KCNMB2: variants seen among roughly 807,000 people sequenced by gnomAD.
The protein encoded by KCNMB2 is potassium calcium-activated channel subfamily M regulatory beta subunit 2.
Under a neutral mutation model 24.5 loss-of-function variants are expected in KCNMB2, and 9 were observed. That is an observed-to-expected ratio of 0.37 (90% confidence interval 0.22 to 0.64). KCNMB2 has a LOEUF of 0.64. KCNMB2 is among the 30% of genes least tolerant of loss of function. The probability of loss-of-function intolerance (pLI) is 0.63; values close to 1 mark genes in which losing one functional copy is unlikely to be tolerated. For missense variants in KCNMB2, 226 were observed against 284.3 expected (o/e 0.79, Z 1.47); for synonymous variants, 109 against 104.4 (o/e 1.04, Z -0.27).
rs560941114 is a variant in KCNMB2 at position 178,540,106 on chromosome 3, G to A, written c.-68+3395G>A. Reference sequence around the variant, plus strand: ...ATCAAAGTTCGGAATTCCACAAAATGTCCTCCTTCTATATTTTTCTCCATC... The same window carrying A: ...ATCAAAGTTCGGAATTCCACAAAATATCCTCCTTCTATATTTTTCTCCATC... On this transcript the variant is annotated intron_variant, in intron 1 of 4. Transcript: ENST00000452583. Among the ~76,000 whole-genome samples the A allele has an allele frequency of 5.3e-5, 8 of 152,194 alleles. No homozygotes were observed. The South Asian group carries it at 1.5e-3, about 28-fold the overall frequency.
At chr3:178,719,672 A>G (rs1722731043) in intron 1 of KCNMB2, among the ~76,000 whole-genome samples, 1 of 152,254 alleles carries the variant, frequency 6.6e-6, no homozygotes, top group Admixed American at 6.5e-5. Context: ...TGGAGACATA[A>G]GCAAGATTTT....
chr3:178,554,770 T>C (rs1047252829), intron 1 of KCNMB2, among the ~76,000 whole-genome samples: 2 of 152,192 alleles, frequency 1.3e-5, no homozygotes, highest in African/African-American at 2.4e-5. Context: ...CTGGAAGACA[T>C]GTTCCCTTAC....
chr3:178,831,111 GT>G (rs1385436067), intron 4 of KCNMB2, among the ~76,000 whole-genome samples: 6 of 151,580 alleles, frequency 4.0e-5, no homozygotes, highest in Non-Finnish European at 5.9e-5. Flanking sequence ...TTTCTTTTTT[GT>G]TTGTTTTTTC....
At chr3:178,767,731 AG>A (rs1712180805) in intron 1 of KCNMB2, among the ~76,000 whole-genome samples, 1 of 152,200 alleles carries the variant, frequency 6.6e-6, no homozygotes, top group Non-Finnish European at 1.5e-5. Flanking sequence ...CAGATGCCAC[AG>A]CTGTATGGCT....
intron 1 of KCNMB2, among the ~76,000 whole-genome samples, chr3:178,734,499 G>A (rs1723254096): frequency 6.6e-6 from 1 of 152,178 alleles, no homozygotes; most frequent in South Asian, 2.1e-4. Flanking sequence ...CACATAGTAG[G>A]TGCTTAGTGA....
chr3:178,793,552 C>T (rs1713413992), intron 1 of KCNMB2, among the ~76,000 whole-genome samples: 1 of 150,932 alleles, frequency 6.6e-6, no homozygotes, highest in South Asian at 2.1e-4. Flanking sequence ...GACTCAGACA[C>T]AGATGCTTCC....
intron 1 of KCNMB2, among the ~76,000 whole-genome samples, chr3:178,693,585 C>T (rs1257252482): frequency 6.6e-6 from 1 of 152,146 alleles, no homozygotes; most frequent in African/African-American, 2.4e-5. Flanking sequence ...AACCTTGCAT[C>T]CCAGAAATAA....
At chr3:178,803,270 T>C (rs561209592) in intron 1 of KCNMB2, among the ~76,000 whole-genome samples, 1 of 152,286 alleles carries the variant, frequency 6.6e-6, no homozygotes, top group African/African-American at 2.4e-5. Context: ...TCAGGCCATG[T>C]TGCCCTATCT....
At chr3:178,627,418 A>G (rs928555052) in intron 1 of KCNMB2, among the ~76,000 whole-genome samples, 6 of 152,218 alleles carry the variant, frequency 3.9e-5, no homozygotes, top group Non-Finnish European at 5.9e-5. Context: ...TGTACAGTCC[A>G]GAGCCTCATT....
At chr3:178,628,469 G>A (rs1250710345) in intron 1 of KCNMB2, among the ~76,000 whole-genome samples, 1 of 152,112 alleles carries the variant, frequency 6.6e-6, no homozygotes, top group East Asian at 1.9e-4. Context: ...TGCTGGAGAG[G>A]GTAGGCTAGC....
At chr3:178,618,940 A>G (rs1718811900) in intron 1 of KCNMB2, among the ~76,000 whole-genome samples, 1 of 152,220 alleles carries the variant, frequency 6.6e-6, no homozygotes, top group Non-Finnish European at 1.5e-5. Context: ...AATTGGGACT[A>G]GGGAATACAA....
At chr3:178,787,346 CAT>C (rs753005869) in intron 1 of KCNMB2, among the ~76,000 whole-genome samples, 183 of 152,248 alleles carry the variant, frequency 1.2e-3, no homozygotes, top group Non-Finnish European at 2.1e-3. Context: ...TATTAACTCA[CAT>C]ATATTCACGT....
chr3:178,738,636 C>T (rs1007472113), intron 1 of KCNMB2, among the ~76,000 whole-genome samples: 1 of 151,994 alleles, frequency 6.6e-6, no homozygotes, highest in Non-Finnish European at 1.5e-5. Context: ...AACTTAAAGC[C>T]CCATTTTTGA....
rs767318156 is a variant in KCNMB2 at position 178,593,218 on chromosome 3, C to A, written c.-68+56507C>A. Among the ~76,000 whole-genome samples, 3 of 151,934 alleles carry A rather than the reference C, an allele frequency of 2.0e-5. No individual in the cohort carries two copies. The East Asian group carries it at 5.8e-4, about 29-fold the overall frequency. On this transcript the variant is annotated intron_variant, in intron 1 of 4. Coordinates refer to ENST00000452583, the MANE Select transcript of KCNMB2 (RefSeq NM_181361.3). ...CATATTCAACCTGGATTAACAGAAA[C>A]TTTTAAAATATTTATGTATATATTT...
chr3:178,695,328 G>A (rs1345098606), intron 1 of KCNMB2, among the ~76,000 whole-genome samples: 1 of 152,240 alleles, frequency 6.6e-6, no homozygotes, highest in Non-Finnish European at 1.5e-5. Flanking sequence ...CTGCCATTAA[G>A]GTCTCTGACA....
intron 1 of KCNMB2, among the ~76,000 whole-genome samples, chr3:178,688,636 G>A (rs531659065): frequency 6.6e-6 from 1 of 151,994 alleles, no homozygotes; most frequent in Non-Finnish European, 1.5e-5. Flanking sequence ...CAGGAAAAAT[G>A]AAAGGACAAG....
At chr3:178,637,453 A>C (rs975742327) in intron 1 of KCNMB2, among the ~76,000 whole-genome samples, 1 of 152,214 alleles carries the variant, frequency 6.6e-6, no homozygotes, top group Admixed American at 6.5e-5. Context: ...ATGACACAGC[A>C]GAACTTGGAC....
At chr3:178,597,852 C>T (rs943892012) in intron 1 of KCNMB2, among the ~76,000 whole-genome samples, 3 of 151,968 alleles carry the variant, frequency 2.0e-5, no homozygotes, top group Admixed American at 1.3e-4. Context: ...TAGTAAAAAG[C>T]CCTGTTGATA....
At chr3:178,650,255 G>A (rs1038621517) in intron 1 of KCNMB2, among the ~76,000 whole-genome samples, 6 of 151,970 alleles carry the variant, frequency 3.9e-5, no homozygotes, top group African/African-American at 1.5e-4. Flanking sequence ...GGAGTGTTTT[G>A]CTCCCAATTA....
Sources: gnomAD v4.1 joint callset for allele counts (sites outside exome capture counted in the v4.1 genomes callset) on GRCh38, gnomAD v4.1.1 for gene constraint, MANE v1.5 for transcripts, NCBI Gene and HGNC (gene_info 2026-07-23, HGNC 2026-07-21) for gene names.